Variants in ANKHD1 observed in about 807,000 individuals in gnomAD.
ANKHD1 encodes ankyrin repeat and KH domain containing 1.
Under a neutral mutation model 230.5 loss-of-function variants are expected in ANKHD1, and 31 were observed. The observed-to-expected ratio is 0.13, with a 90% CI of 0.10 to 0.18. The LOEUF (loss-of-function observed/expected upper bound fraction) is 0.18. ANKHD1 is among the 10% of genes least tolerant of loss of function. The pLI, the probability that ANKHD1 is intolerant of heterozygous loss-of-function variation, is 1.00. For missense variants in ANKHD1, 2,256 were observed against 3,071.3 expected (o/e 0.73, Z 6.27); for synonymous variants, 1,074 against 1,117.6 (o/e 0.96, Z 0.78).
At chr5:140,464,252 T>C (rs867210850) in intron 9 of ANKHD1, among the ~76,000 whole-genome samples, 2 of 151,446 alleles carry the variant, frequency 1.3e-5, no homozygotes, top group Admixed American at 6.6e-5. Flanking sequence ...AAAAAACTTA[T>C]ATCTGTGTTT....
chr5:140,495,804 T>C (rs114635549), intron 14 of ANKHD1, among the ~76,000 whole-genome samples: 130 of 152,324 alleles, frequency 8.5e-4, no homozygotes, highest in African/African-American at 3.0e-3. Context: ...CCTAGGATCA[T>C]TTATTGTTTC....
intron 10 of ANKHD1, among the ~76,000 whole-genome samples, chr5:140,481,042 A>G (rs1284099935): frequency 6.6e-6 from 1 of 152,116 alleles, no homozygotes; most frequent in Non-Finnish European, 1.5e-5. Flanking sequence ...TGAGATGTAA[A>G]GGATGAAAAT....
chr5:140,448,523 T>A (rs1288826652), intron 6 of ANKHD1, among the ~76,000 whole-genome samples: 1 of 152,166 alleles, frequency 6.6e-6, no homozygotes, highest in African/African-American at 2.4e-5. Context: ...GAGTGCCCTT[T>A]GCCCCACCCT....
Position 140,440,120 on chromosome 5 carries a change from C to G in ANKHD1, c.619C>G (p.Arg207Gly). ...ATTGTTGAATGGTTTTGTTTCCAGT[C>G]GCAGTCTAGCAGAAGCTTGTTCAGA... is the stretch of plus-strand genomic sequence containing the variant. The part of the protein sequence containing the change: ...NSHNAGQVDT[R>G]SLAEACSDGD... The change falls in exon 4 of 34, where the codon CGC (arginine) becomes GGC (glycine). Residue 207 changes from arginine to glycine, a missense_variant and splice_region_variant. Transcript: ENST00000360839. 6.3e-7 allele frequency: 1 copy of G among 1,597,134 alleles called. No homozygotes were observed. The highest frequency in any genetic ancestry group is 8.5e-7 in the Non-Finnish European group (1 of 1,172,018).
At chr5:140,505,088 A>C in intron 16 of ANKHD1, 34 bp from the exon 17 acceptor site, 1 of 1,604,610 alleles carries the variant, frequency 6.2e-7, no homozygotes, top group Non-Finnish European at 8.5e-7. Flanking sequence ...ACTTCTGTTA[A>C]AAAAAATTTT....
intron 10 of ANKHD1, among the ~76,000 whole-genome samples, chr5:140,468,160 C>G (rs1483562779): frequency 2.3e-5 from 3 of 130,126 alleles, no homozygotes; most frequent in Non-Finnish European, 4.7e-5. Flanking sequence ...CTGCAACCTT[C>G]TCCTCCTGGG....
chr5:140,524,245 GAAAC>G lies in ANKHD1; in HGVS notation c.4492+10_4492+13del. ...AAGAGGAGAATGATGAAGATGGTGAGAAACAAACCATCTGAATTAACGATAAAAT... is the reference window on the plus strand; with the variant it reads ...AAGAGGAGAATGATGAAGATGGTGAGAAACCATCTGAATTAACGATAAAAT... On this transcript the variant is annotated splice_donor_region_variant and intron_variant, in intron 25 of 33. Coordinates refer to ENST00000360839, the MANE Select transcript of ANKHD1 (RefSeq NM_017747.3). 1 of 1,556,880 alleles carries G rather than the reference GAAAC, an allele frequency of 6.4e-7. No individual in the cohort carries two copies. The highest frequency in any genetic ancestry group is 8.6e-7 in the Non-Finnish European group (1 of 1,162,924).
chr5:140,418,730 T>C (rs149624335), intron 1 of ANKHD1, among the ~76,000 whole-genome samples: 1 of 152,354 alleles, frequency 6.6e-6, no homozygotes, highest in East Asian at 1.9e-4. Flanking sequence ...CAGGTATCAA[T>C]ACTTTTTGTT....
At position 140,497,121 on chromosome 5, in the gene ANKHD1, T is replaced by G. The variant is rs1470932928; in HGVS notation, c.2847T>G (p.Leu949=). The G allele has an allele frequency of 6.2e-7, 1 of 1,614,192 alleles. No homozygotes were observed. The highest frequency in any genetic ancestry group is 2.2e-5 in the East Asian group (1 of 44,888). ...TAGGTTCTAATGGGACAAATTCTCTTGAACTTCAGAAAGTATCAGGTAATC... is the reference window on the plus strand; with the variant it reads ...TAGGTTCTAATGGGACAAATTCTCTGGAACTTCAGAAAGTATCAGGTAATC... ...SDLGSNGTNS[L]ELQKVSGNQQ... is the part of the protein sequence containing the mutation. Residue 949 remains leucine, a synonymous_variant, in exon 15 of 34, where the codon CTT becomes CTG. Coordinates refer to ENST00000360839, the MANE Select transcript of ANKHD1 (RefSeq NM_017747.3).
intron 10 of ANKHD1, among the ~76,000 whole-genome samples, chr5:140,466,148 T>C (rs1776067681): frequency 1.3e-5 from 2 of 152,150 alleles, no homozygotes; most frequent in Admixed American, 1.3e-4. Context: ...TCCCAGCACT[T>C]TGGGATGCCG....
At chr5:140,403,414 T>A (rs75971805) in intron 1 of ANKHD1, among the ~76,000 whole-genome samples, 165 of 150,720 alleles carry the variant, frequency 1.1e-3, no homozygotes, top group East Asian at 4.5e-3. Flanking sequence ...AAGGGGCGGG[T>A]TTTGTTTTTG....
At chr5:140,473,918 A>G (rs1750813232) in intron 10 of ANKHD1, among the ~76,000 whole-genome samples, 1 of 152,202 alleles carries the variant, frequency 6.6e-6, no homozygotes, top group Admixed American at 6.5e-5. Context: ...TTCAGATTCC[A>G]TAGATCTGAA....
intron 7 of ANKHD1, among the ~76,000 whole-genome samples, chr5:140,450,991 A>G (rs1774691712): frequency 6.6e-6 from 1 of 151,900 alleles, no homozygotes; most frequent in South Asian, 2.1e-4. Context: ...CATCTCTACT[A>G]AAATACAAAA....
chr5:140,406,561 A>ATT (rs1401314294), intron 1 of ANKHD1, among the ~76,000 whole-genome samples: 4 of 141,060 alleles, frequency 2.8e-5, no homozygotes, highest in African/African-American at 5.2e-5. Flanking sequence ...CTTTCAGTAC[A>ATT]TTTTTTTTTT....
chr5:140,419,803 TTTCTTTCTTTCTTTCTTTCTTTCTTTC>T (rs1224764285), intron 1 of ANKHD1, among the ~76,000 whole-genome samples: 20 of 91,166 alleles, frequency 2.2e-4, no homozygotes, highest in African/African-American at 7.0e-4. Context: ...TCTTTCTTTC[TTTCTTTCTTTCTTTCTTTCTTTCTTTC>T]TTTCTTTTTC....
chr5:140,528,494 G>A lies in ANKHD1; in HGVS notation c.5548G>A (p.Ala1850Thr). Residue 1850 changes from alanine to threonine, a missense_variant, in exon 29 of 34, where the codon GCT (alanine) becomes ACT (threonine). By Grantham distance (58) the Ala-to-Thr change is moderately conservative (BLOSUM62 0). Around this residue, in one of 13 missense-constraint regions of ANKHD1, gnomAD observed 778 missense variants for 966.5 expected, o/e 0.80. Coordinates refer to ENST00000360839, the MANE Select transcript of ANKHD1 (RefSeq NM_017747.3). ...RSSFPVSLPL[A>T]YPHPHFALLA... ...TTCTTTCCCAGTTTCTCTACCCTTA[G>A]CTTATCCTCACCCTCATTTTGCCCT... is the stretch of plus-strand genomic sequence containing the variant. The A allele has an allele frequency of 6.2e-7, 1 of 1,613,968 alleles. No homozygotes were observed. Among genetic ancestry groups the A allele is most frequent in the Non-Finnish European group, 8.5e-7 (1 of 1,180,006 alleles).
chr5:140,421,356 A>G (rs965164065), intron 1 of ANKHD1, among the ~76,000 whole-genome samples: 21 of 135,476 alleles, frequency 1.6e-4, no homozygotes, highest in Non-Finnish European at 3.0e-4. Flanking sequence ...GCTGGCGTGC[A>G]GTGGCGTGAT....
intron 1 of ANKHD1, among the ~76,000 whole-genome samples, chr5:140,420,740 A>G (rs903238535): frequency 6.6e-6 from 1 of 152,096 alleles, no homozygotes; most frequent in Non-Finnish European, 1.5e-5. Context: ...AGCTTTTTGC[A>G]GTAAGTTTTG....
intron 5 of ANKHD1, among the ~76,000 whole-genome samples, chr5:140,442,030 A>ATTTTTTTTTTTTTTTTTT (rs1561726990): frequency 1.5e-5 from 2 of 134,562 alleles, no homozygotes; most frequent in African/African-American, 5.6e-5. Context: ...CTAATAAGAT[A>ATTTTTTTTTTTTTTTTTT]TTCTTTTTTT....
Sources: gnomAD v4.1 joint callset for allele counts (sites outside exome capture counted in the v4.1 genomes callset) on GRCh38, gnomAD v4.1.1 for gene constraint, gnomAD v4.1.1 regional missense constraint, MANE v1.5 for transcripts, NCBI Gene and HGNC (gene_info 2026-07-23, HGNC 2026-07-21) for gene names.